Variants in KRTAP10-6 observed in about 807,000 individuals in gnomAD.
KRTAP10-6 encodes keratin associated protein 10-6.
A neutral mutation model predicts 0.5 loss-of-function variants in KRTAP10-6; 1 was observed. The observed-to-expected ratio is 1.92, with a 90% CI of 0.68 to 9.09. The LOEUF (loss-of-function observed/expected upper bound fraction) is 9.09. Ranked by LOEUF, KRTAP10-6 falls within the 30% of genes most tolerant of loss-of-function variation. The pLI is 0.13. For missense variants in KRTAP10-6, 337 were observed against 464.2 expected (o/e 0.73, Z 2.52); for synonymous variants, 136 against 196.5 (o/e 0.69, Z 2.58).
At position 44,592,502 on chromosome 21, in the gene KRTAP10-6, G is replaced by A. The variant is rs1320033359; in HGVS notation, c.-18C>T. On this transcript the variant is annotated 5_prime_UTR_variant, in exon 1 of 1. Coordinates refer to ENST00000400368, the MANE Select transcript of KRTAP10-6 (RefSeq NM_198688.3). ...GCGGCCATGCTGGGGTTGAACTGGT[G>A]GAGGGTGAGGGAGTGAGCCTGTGAG... 18 of 1,590,856 alleles carry A rather than the reference G, an allele frequency of 1.1e-5. No homozygotes were observed. In the Admixed American group the frequency reaches 1.2e-4, roughly 10 times the overall value.
In KRTAP10-6 at chr21:44,591,713, G is replaced by T. The variant is rs373818776; in HGVS notation, c.772C>A (p.Pro258Thr). The T allele has an allele frequency of 6.3e-7, 1 of 1,584,184 alleles. No homozygotes were observed. The highest frequency in any genetic ancestry group is 1.1e-5 in the South Asian group (1 of 89,508). Reference sequence around the variant, plus strand: ...CAGGGGGAGGAGGTGCAGCAAGCTGGCTGGCAGCTAGACTGCTGGCAGCAT... The same window carrying T: ...CAGGGGGAGGAGGTGCAGCAAGCTGTCTGGCAGCTAGACTGCTGGCAGCAT... Reference protein sequence around the residue: ...SSCCQQSSCQPACCTSSPCQH... With the variant: ...SSCCQQSSCQTACCTSSPCQH... The change falls in exon 1 of 1, where the codon CCA (proline) becomes ACA (threonine). Residue 258 changes from proline to threonine, a missense_variant. By Grantham distance (38) the Pro-to-Thr change is conservative. This residue lies in a region of KRTAP10-6 where 218 missense variants were observed against 225.3 expected (regional missense o/e 0.97). Coordinates refer to ENST00000400368, the MANE Select transcript of KRTAP10-6 (RefSeq NM_198688.3).
At position 44,591,541 on chromosome 21, in the gene KRTAP10-6, G is replaced by A. The variant is rs1979839380; in HGVS notation, c.944C>T (p.Thr315Ile). The change falls in exon 1 of 1, where the codon ACC becomes ATC. Residue 315 changes from threonine to isoleucine, a missense_variant. Physicochemically the swap from Thr to Ile is moderately conservative, Grantham distance 89. This residue lies in a region of KRTAP10-6 where 218 missense variants were observed against 225.3 expected (regional missense o/e 0.97). Coordinates refer to ENST00000400368, the MANE Select transcript of KRTAP10-6 (RefSeq NM_198688.3). ...SLLCHPVCKSTCCVPVPSCGA... is the reference protein window; with the variant it reads ...SLLCHPVCKSICCVPVPSCGA... The stretch of plus-strand genomic sequence containing the variant: ...ACAGGAGGGGACGGGCACGCAGCAG[G>A]TGGACTTGCACACAGGGTGGCAGAG... 1.9e-6 allele frequency: 3 copies of A among 1,613,942 alleles called. No homozygotes were observed. Among genetic ancestry groups the A allele is most frequent in the Non-Finnish European group, 2.5e-6 (3 of 1,179,974 alleles).
Position 44,591,802 on chromosome 21 carries a change from C to T in KRTAP10-6, c.683G>A (p.Cys228Tyr). 2 of 1,586,404 alleles carry T rather than the reference C, an allele frequency of 1.3e-6. No homozygotes were observed. Among genetic ancestry groups the T allele is most frequent in the Non-Finnish European group, 1.7e-6 (2 of 1,167,800 alleles). ...AGGCACGCAGCAGACGGGCACGCAG[C>T]AGGCCTGCTGGCAGGGGGAGGAGGT... ...CCTSSPCQQA[C>Y]CVPVCCVPVC... Residue 228 changes from cysteine to tyrosine, a missense_variant, in exon 1 of 1, where the codon TGC (cysteine) becomes TAC (tyrosine). Transcript: ENST00000400368.
chr21:44,592,319 C>A lies in KRTAP10-6; in HGVS notation c.166G>T (p.Val56Phe). The A allele has an allele frequency of 6.8e-7, 1 of 1,460,452 alleles. No homozygotes were observed. The highest frequency in any genetic ancestry group is 2.4e-5 in the East Asian group (1 of 42,352). 90.5% of individuals were successfully genotyped at this position (1,460,452 alleles called of 1,614,324 possible). The part of the protein sequence containing the change: ...CCAPAPCLSL[V>F]CTPVSRVSSP... ...GACACACGGCTCACTGGGGTGCAGA[C>A]CAGGCTCAGGCAGGGGGCCGGGGCG... The change falls in exon 1 of 1, where the codon GTC becomes TTC. Residue 56 changes from valine to phenylalanine, a missense_variant. Around this residue, in one of 3 missense-constraint regions of KRTAP10-6, gnomAD observed 87 missense variants for 208.2 expected, o/e 0.42. Transcript: ENST00000400368.
rs1273474010 is a variant in KRTAP10-6 at position 44,591,554 on chromosome 21, C to T, written c.931G>A (p.Val311Met). 3 of 1,612,102 alleles carry T rather than the reference C, an allele frequency of 1.9e-6. No homozygotes were observed. Among genetic ancestry groups the T allele is most frequent in the Non-Finnish European group, 2.5e-6 (3 of 1,179,570 alleles). ...GGCACGCAGCAGGTGGACTTGCACA[C>T]AGGGTGGCAGAGGAGGGACACGGAG... ...SSSVSLLCHPVCKSTCCVPVP... is the reference protein window; with the variant it reads ...SSSVSLLCHPMCKSTCCVPVP... The change falls in exon 1 of 1, where the codon GTG becomes ATG. Residue 311 changes from valine (V) to methionine (M), a missense_variant. Physicochemically the swap from Val to Met is conservative, Grantham distance 21. Coordinates refer to ENST00000400368, the MANE Select transcript of KRTAP10-6 (RefSeq NM_198688.3).
Position 44,591,446 on chromosome 21 carries a change from G to A in KRTAP10-6, c.1039C>T (p.Pro347Ser). 6.2e-7 allele frequency: 1 copy of A among 1,613,984 alleles called. No homozygotes were observed. Among genetic ancestry groups the A allele is most frequent in the Non-Finnish European group, 8.5e-7 (1 of 1,179,976 alleles). Reference sequence around the variant, plus strand: ...TAGCAGGCAGGGCGGGAGCACATGGGGCGGCAGAGGAGGGAAACACAGGAG... The same window carrying A: ...TAGCAGGCAGGGCGGGAGCACATGGAGCGGCAGAGGAGGGAAACACAGGAG... ...TASCVSLLCRPMCSRPACYSL... is the reference protein window; with the variant it reads ...TASCVSLLCRSMCSRPACYSL... The change falls in exon 1 of 1, where the codon CCC (proline) becomes TCC (serine). Residue 347 changes from proline to serine, a missense_variant. Pro to Ser is a moderately conservative substitution (Grantham distance 74). This residue lies in a region of KRTAP10-6 where 218 missense variants were observed against 225.3 expected (regional missense o/e 0.97). Transcript: ENST00000400368.
chr21:44,591,324 T>C lies in KRTAP10-6; in HGVS notation c.*63A>G. 6.5e-7 allele frequency: 1 copy of C among 1,548,184 alleles called. No homozygotes were observed. The highest frequency in any genetic ancestry group is 1.2e-5 in the South Asian group (1 of 80,264). ...GTGTCAAAGCCAGAGAGGGCAGAGC[T>C]TGCTGGGGCAGCTGGGAGGTCAGCC... On this transcript the variant is annotated 3_prime_UTR_variant, in exon 1 of 1. Coordinates refer to ENST00000400368, the MANE Select transcript of KRTAP10-6 (RefSeq NM_198688.3).
Position 44,592,082 on chromosome 21 carries a change from A to C in KRTAP10-6, c.403T>G (p.Cys135Gly). 2 of 1,516,800 alleles carry C rather than the reference A, an allele frequency of 1.3e-6. No homozygotes were observed. Among genetic ancestry groups the C allele is most frequent in the Non-Finnish European group, 1.8e-6 (2 of 1,122,456 alleles). 94.0% of individuals were successfully genotyped at this position (1,516,800 alleles called of 1,614,324 possible). A position where few individuals can be genotyped will look rare whatever the true frequency, so the allele number is the denominator to read the frequency against. The change falls in exon 1 of 1, where the codon TGC becomes GGC. Residue 135 changes from cysteine to glycine, a missense_variant. Coordinates refer to ENST00000400368, the MANE Select transcript of KRTAP10-6 (RefSeq NM_198688.3). ...GACTGGCAGCTAGACTGCTGGCAGC[A>C]TGAAGAATCCCCACAGCAGACGGAC... ...CVSVCCGDSS[C>G]CQQSSCQSAC...
In KRTAP10-6 at chr21:44,591,813, G is replaced by A. The variant is rs1555926658; in HGVS notation, c.672C>T (p.Cys224=). Residue 224 remains cysteine (C), a synonymous_variant, in exon 1 of 1, where the codon TGC becomes TGT. Coordinates refer to ENST00000400368, the MANE Select transcript of KRTAP10-6 (RefSeq NM_198688.3). The part of the protein sequence containing the change: ...CQPTCCTSSP[C]QQACCVPVCC... ...AGACGGGCACGCAGCAGGCCTGCTG[G>A]CAGGGGGAGGAGGTGCAGCAAGTTG... 2 of 1,599,006 alleles carry A rather than the reference G, an allele frequency of 1.3e-6. No homozygotes were observed. The highest frequency in any genetic ancestry group is 1.7e-6 in the Non-Finnish European group (2 of 1,175,024).
rs371170020 is a variant in KRTAP10-6 at position 44,591,680 on chromosome 21, C to A, written c.805G>T (p.Ala269Ser). The A allele has an allele frequency of 8.2e-6, 13 of 1,577,876 alleles. No homozygotes were observed. The highest frequency in any genetic ancestry group is 1.4e-5 in the African/African-American group (1 of 73,800). ...ACCTSSPCQH[A>S]CCVPVCSGAS... is the part of the protein sequence containing the mutation. ...CCAGAGCAGACGGGCACACAGCAGGCGTGCTGGCAGGGGGAGGAGGTGCAG... is the reference window on the plus strand; with the variant it reads ...CCAGAGCAGACGGGCACACAGCAGGAGTGCTGGCAGGGGGAGGAGGTGCAG... The change falls in exon 1 of 1, where the codon GCC becomes TCC. Residue 269 changes from alanine to serine, a missense_variant. This residue lies in a region of KRTAP10-6 where 218 missense variants were observed against 225.3 expected (regional missense o/e 0.97). Coordinates refer to ENST00000400368, the MANE Select transcript of KRTAP10-6 (RefSeq NM_198688.3).
At position 44,592,350 on chromosome 21, in the gene KRTAP10-6, G is replaced by GCTA; in HGVS notation, c.134_135insTAG (p.Pro45_Cys46insSer). The GCTA allele has an allele frequency of 7.6e-7, 1 of 1,321,828 alleles. No individual in the cohort carries two copies. The highest frequency in any genetic ancestry group is 1.0e-6 in the Non-Finnish European group (1 of 983,938). The allele number at this position is 1,321,828 out of a possible 1,614,324, so 81.9% of individuals were successfully genotyped here. A position where few individuals can be genotyped will look rare whatever the true frequency, so the allele number is the denominator to read the frequency against. ...TCAGGCAGGGGGCCGGGGCGCAGCA[G>GCTA]GGGGGCTCACAGCAGCTCTCTGGGC... On this transcript the variant is annotated inframe_insertion, in exon 1 of 1. Coordinates refer to ENST00000400368, the MANE Select transcript of KRTAP10-6 (RefSeq NM_198688.3).
rs62220887 is a variant in KRTAP10-6 at position 44,592,279 on chromosome 21, G to T, written c.206C>A (p.Pro69Gln). Residue 69 changes from proline to glutamine, a missense_variant, in exon 1 of 1, where the codon CCA becomes CAA. Around this residue, in one of 3 missense-constraint regions of KRTAP10-6, gnomAD observed 87 missense variants for 208.2 expected, o/e 0.42. Transcript: ENST00000400368. The stretch of plus-strand genomic sequence containing the variant: ...GCAGGGGCTGGGCTCACAGGTCACT[G>T]GGCAGCAGGGGCTGGACACACGGCT... ...PVSRVSSPCC[P>Q]VTCEPSPCQS... 4,041 of 1,540,428 alleles carry T rather than the reference G, an allele frequency of 2.6e-3. 45 individuals are homozygous for T. In the African/African-American group the frequency reaches 0.04, roughly 15 times the overall value.
rs375544081 is a variant in KRTAP10-6, at chr21:44,591,414, G to C, written c.1071C>G (p.Leu357=). The C allele has an allele frequency of 1.9e-6, 3 of 1,612,160 alleles. No individual in the cohort carries two copies. In the African/African-American group the frequency reaches 4.0e-5, roughly 22 times the overall value. Residue 357 remains leucine, a synonymous_variant, in exon 1 of 1, where the codon CTC becomes CTG. Coordinates refer to ENST00000400368, the MANE Select transcript of KRTAP10-6 (RefSeq NM_198688.3). ...PMCSRPACYS[L]CSGQKSSC is the part of the protein sequence containing the mutation. ...AGCAGCTGGACTTCTGGCCAGAGCA[G>C]AGGCTGTAGCAGGCAGGGCGGGAGC...
In KRTAP10-6 at chr21:44,591,431, G is replaced by T. The variant is rs369538844; in HGVS notation, c.1054C>A (p.Pro352Thr). The part of the protein sequence containing the change: ...SLLCRPMCSR[P>T]ACYSLCSGQK... ...CCAGAGCAGAGGCTGTAGCAGGCAG[G>T]GCGGGAGCACATGGGGCGGCAGAGG... is the stretch of plus-strand genomic sequence containing the variant. Residue 352 changes from proline to threonine, a missense_variant, in exon 1 of 1, where the codon CCT (proline) becomes ACT (threonine). Physicochemically the swap from Pro to Thr is conservative, Grantham distance 38 (BLOSUM62 -1). This residue lies in a region of KRTAP10-6 where 218 missense variants were observed against 225.3 expected (regional missense o/e 0.97). Transcript: ENST00000400368. 1.4e-5 allele frequency: 23 copies of T among 1,613,402 alleles called. No individual in the cohort carries two copies. The African/African-American group carries it at 2.9e-4, about 21-fold the overall frequency.
In KRTAP10-6 at chr21:44,592,454, T is replaced by G; in HGVS notation, c.31A>C (p.Ser11Arg). 6.2e-6 allele frequency: 10 copies of G among 1,611,372 alleles called. No individual in the cohort carries two copies. Among genetic ancestry groups the G allele is most frequent in the Non-Finnish European group, 7.6e-6 (9 of 1,178,488 alleles). The change falls in exon 1 of 1, where the codon AGC (serine) becomes CGC (arginine). Residue 11 changes from serine (S) to arginine (R), a missense_variant. This residue lies in a region of KRTAP10-6 where 32 missense variants were observed against 30.6 expected (regional missense o/e 1.04). Transcript: ENST00000400368. MAASTMSVCS[S>R]DLSYGSRVCL... is the part of the protein sequence containing the mutation. ...ACGCGGCTGCCGTAGCTCAGGTCGC[T>G]GGAGCAGACGGACATGGTGGACGCG...
In KRTAP10-6 at chr21:44,591,878, A is replaced by C. The variant is rs782300239; in HGVS notation, c.607T>G (p.Ser203Ala). The C allele has an allele frequency of 2.5e-5, 40 of 1,596,134 alleles. No homozygotes were observed. Among genetic ancestry groups the C allele is most frequent in the Non-Finnish European group, 3.4e-5 (40 of 1,178,744 alleles). Residue 203 changes from serine to alanine, a missense_variant, in exon 1 of 1, where the codon TCC becomes GCC. Ser to Ala is a moderately conservative substitution (Grantham distance 99). Transcript: ENST00000400368. Reference protein sequence around the residue: ...PSPCQSGCTSSCTPSCCQQSS... With the variant: ...PSPCQSGCTSACTPSCCQQSS... The stretch of plus-strand genomic sequence containing the variant: ...TGCTGGCAGCATGAGGGTGTGCAGG[A>C]GCTGGTGCAGCCTGATTGGCAGGGG...
In KRTAP10-6 at chr21:44,592,150, G is replaced by A; in HGVS notation, c.335C>T (p.Pro112Leu). 3 of 1,566,740 alleles carry A rather than the reference G, an allele frequency of 1.9e-6. No individual in the cohort carries two copies. Among genetic ancestry groups the A allele is most frequent in the Non-Finnish European group, 2.6e-6 (3 of 1,150,728 alleles). ...SSPCQQACCV[P>L]VCCKTVCCKP... ...GCAGCAGACAGTCTTGCAGCAGACG[G>A]GCACGCAGCAGGCCTGCTGGCAGGG... Residue 112 changes from proline to leucine, a missense_variant, in exon 1 of 1, where the codon CCC (proline) becomes CTC (leucine). Pro to Leu is a moderately conservative substitution (Grantham distance 98, BLOSUM62 -3). This residue lies in a region of KRTAP10-6 where 87 missense variants were observed against 208.2 expected (regional missense o/e 0.42). Coordinates refer to ENST00000400368, the MANE Select transcript of KRTAP10-6 (RefSeq NM_198688.3).
In KRTAP10-6 at chr21:44,592,042, G is replaced by C. The variant is rs782247922; in HGVS notation, c.443C>G (p.Ser148Cys). 4 of 1,597,124 alleles carry C rather than the reference G, an allele frequency of 2.5e-6. No homozygotes were observed. The South Asian group carries it at 4.4e-5, about 18-fold the overall frequency. Residue 148 changes from serine to cysteine, a missense_variant, in exon 1 of 1, where the codon TCC (serine) becomes TGC (cysteine). This residue lies in a region of KRTAP10-6 where 87 missense variants were observed against 208.2 expected (regional missense o/e 0.42). Coordinates refer to ENST00000400368, the MANE Select transcript of KRTAP10-6 (RefSeq NM_198688.3). ...ACAGCAGGCCTGCTGGCAGGGGGAG[G>C]AGGTGCAGCAAGCTGACTGGCAGCT... ...QSSCQSACCT[S>C]SPCQQACCVP...
In KRTAP10-6 at chr21:44,591,439, C is replaced by T. The variant is rs376270826; in HGVS notation, c.1046G>A (p.Cys349Tyr). The change falls in exon 1 of 1, where the codon TGC becomes TAC. Residue 349 changes from cysteine (C) to tyrosine (Y), a missense_variant. Coordinates refer to ENST00000400368, the MANE Select transcript of KRTAP10-6 (RefSeq NM_198688.3). ...GAGGCTGTAGCAGGCAGGGCGGGAG[C>T]ACATGGGGCGGCAGAGGAGGGAAAC... ...SCVSLLCRPMCSRPACYSLCS... is the reference protein window; with the variant it reads ...SCVSLLCRPMYSRPACYSLCS... 11 of 1,613,718 alleles carry T rather than the reference C, an allele frequency of 6.8e-6. No homozygotes were observed. The African/African-American group carries it at 1.2e-4, about 18-fold the overall frequency.
Sources: gnomAD v4.1 joint callset for allele counts on GRCh38, gnomAD v4.1.1 for gene constraint, gnomAD v4.1.1 regional missense constraint, MANE v1.5 for transcripts, NCBI Gene and HGNC (gene_info 2026-07-23, HGNC 2026-07-21) for gene names.